The following MVP variants were observed in gnomAD, a reference collection of about 807,000 sequenced individuals.
The protein encoded by MVP is lung resistance-related protein.
In MVP, 62 loss-of-function variants were observed where a neutral mutation model predicts 83.5. The ratio of observed to expected loss-of-function variants is 0.74; its 90% CI spans 0.61 to 0.92. The LOEUF (loss-of-function observed/expected upper bound fraction) is 0.92, where lower values mean the gene tolerates loss of function less well. Among genes scored for constraint, MVP ranks in the 40% least tolerant of loss-of-function variants. MVP has a pLI of 0.00. For synonymous variants in MVP, 505 were observed against 504.1 expected (o/e 1.00, Z -0.02); for missense variants, 1,000 against 1,203.4 (o/e 0.83, Z 2.50).
In MVP at chr16:29,846,150, C is replaced by G; in HGVS notation, c.2139-8C>G. 4.4e-6 allele frequency: 7 copies of G among 1,608,502 alleles called. No homozygotes were observed. Among genetic ancestry groups the G allele is most frequent in the Non-Finnish European group, 5.9e-6 (7 of 1,177,064 alleles). Reference sequence around the variant, plus strand: ...CCCGGGTCTTACCTGACTCTGCCTTCTCCCCAGCATGGCCGTGGAGAGCAC... The same window carrying G: ...CCCGGGTCTTACCTGACTCTGCCTTGTCCCCAGCATGGCCGTGGAGAGCAC... On this transcript the variant is annotated splice_region_variant and splice_polypyrimidine_tract_variant and intron_variant, in intron 12 of 14. Coordinates refer to ENST00000357402, the MANE Select transcript of MVP (RefSeq NM_005115.5).
intron 13 of MVP, 75 bp downstream of exon 13, chr16:29,846,359 C>A (rs1596931639): frequency 4.8e-6 from 7 of 1,462,448 alleles, no homozygotes; most frequent in Non-Finnish European, 4.5e-6. Context: ...GTCCCTGAGA[C>A]TGTATAGGAC....
chr16:29,833,639 G>A (rs2067462120), intron 3 of MVP, 94 bp from the exon 4 acceptor site: 7 of 1,544,340 alleles, frequency 4.5e-6, no homozygotes, highest in South Asian at 1.2e-5. Flanking sequence ...AGGACATACA[G>A]AGATGGATGT....
chr16:29,838,165 G>A (rs1359287426), intron 7 of MVP, among the ~76,000 whole-genome samples: 1 of 152,132 alleles, frequency 6.6e-6, no homozygotes, highest in Non-Finnish European at 1.5e-5. Context: ...CAGGCATGGT[G>A]GCTTACATGT....
At chr16:29,843,290 G>A (rs2067549434) in intron 10 of MVP, among the ~76,000 whole-genome samples, 1 of 151,188 alleles carries the variant, frequency 6.6e-6, no homozygotes, top group South Asian at 2.1e-4. Flanking sequence ...CCAGGAGTTT[G>A]AGACCAGGCT....
At chr16:29,839,329 T>C (rs1420462505) in intron 7 of MVP, among the ~76,000 whole-genome samples, 1 of 152,178 alleles carries the variant, frequency 6.6e-6, no homozygotes, top group Non-Finnish European at 1.5e-5. Context: ...CAGTAACTTC[T>C]AGGTACAGGA....
In MVP at chr16:29,841,814, GTACGAC is replaced by G; in HGVS notation, c.1414_1419del (p.Asp472_Tyr473del). 6.2e-7 allele frequency: 1 copy of G among 1,611,040 alleles called. No individual in the cohort carries two copies. The highest frequency in any genetic ancestry group is 1.1e-5 in the South Asian group (1 of 91,076). On this transcript the variant is annotated inframe_deletion, in exon 9 of 15. Coordinates refer to ENST00000357402, the MANE Select transcript of MVP (RefSeq NM_005115.5). The surrounding 1 kb of genome is among the most constrained non-coding windows in gnomAD (Gnocchi z 4.7). ...TGCCCCACAACGCTGCGGTGCAGGT[GTACGAC>G]TACCGAGAGAAGCGAGCCCGGTGAG...
chr16:29,844,938 C>G lies in MVP; in HGVS notation c.2021+59C>G, dbSNP rs115162322. 1.3e-3 allele frequency: 2,033 copies of G among 1,537,356 alleles called. 30 individuals carry two copies. The African/African-American group carries it at 0.024, about 19-fold the overall frequency. ...GCCCATGGCAGGCCACTGCTGGGAA[C>G]TGGATAACCTGGCATCCCTTGTGGA... On this transcript the variant is annotated intron_variant, in intron 11 of 14. Coordinates refer to ENST00000357402, the MANE Select transcript of MVP (RefSeq NM_005115.5).
At chr16:29,847,703 A>G in intron 14 of MVP, 59 bp from the exon 15 acceptor site, 1 of 1,523,314 alleles carries the variant, frequency 6.6e-7, no homozygotes, top group Non-Finnish European at 9.1e-7. Context: ...AAGGAGGGTC[A>G]CTCTGAAGTG....
In MVP at chr16:29,844,607, G is replaced by A; in HGVS notation, c.1749G>A (p.Val583=). 2 of 1,613,894 alleles carry A rather than the reference G, an allele frequency of 1.2e-6. No individual in the cohort carries two copies. The highest frequency in any genetic ancestry group is 1.7e-6 in the Non-Finnish European group (2 of 1,179,868). The change falls in exon 11 of 15, where the codon GTG becomes GTA. Residue 583 remains valine, a synonymous_variant. Coordinates refer to ENST00000357402, the MANE Select transcript of MVP (RefSeq NM_005115.5). ...TCGCATCCCGGGTGCGGGGGGCCGT[G>A]GCCTCTGTCACTTTCGATGACTTCC... ...KAIASRVRGA[V]ASVTFDDFHK...
chr16:29,823,122 C>CTTTTTTTTT (rs66512916), intron 1 of MVP, among the ~76,000 whole-genome samples: 38 of 98,474 alleles, frequency 3.9e-4, no homozygotes, highest in African/African-American at 5.6e-4. Context: ...CTTTTCTTTT[C>CTTTTTTTTT]TTTTTTTTTT....
At chr16:29,839,783 CAAA>C (rs71373206) in intron 7 of MVP, among the ~76,000 whole-genome samples, 10 of 47,372 alleles carry the variant, frequency 2.1e-4, no homozygotes, top group East Asian at 7.6e-4. Context: ...AAGACTATCT[CAAA>C]AAAAAAAAAA....
At chr16:29,826,613 C>A (rs1402003581) in intron 1 of MVP, among the ~76,000 whole-genome samples, 3 of 136,432 alleles carry the variant, frequency 2.2e-5, no homozygotes, top group Non-Finnish European at 4.8e-5. Flanking sequence ...CAAAGTAAGA[C>A]CTTATCTCAA....
At chr16:29,838,554 G>T (rs1380869109) in intron 7 of MVP, among the ~76,000 whole-genome samples, 2 of 152,068 alleles carry the variant, frequency 1.3e-5, no homozygotes, top group Non-Finnish European at 1.5e-5. Context: ...CAGGCCAGGC[G>T]CAACAGCTCA....
intron 1 of MVP, among the ~76,000 whole-genome samples, chr16:29,825,380 C>G (rs1171941776): frequency 1.3e-5 from 2 of 152,208 alleles, no homozygotes. Flanking sequence ...GGGCCCTGAT[C>G]TATTTTAAGT....
chr16:29,824,358 C>T (rs990454238), intron 1 of MVP, among the ~76,000 whole-genome samples: 2 of 151,646 alleles, frequency 1.3e-5, no homozygotes, highest in East Asian at 1.9e-4. Flanking sequence ...CCAGTAGATT[C>T]AGTGGCTCTG....
At chr16:29,845,439 A>T (rs969177432) in intron 11 of MVP, among the ~76,000 whole-genome samples, 1 of 152,008 alleles carries the variant, frequency 6.6e-6, no homozygotes, top group East Asian at 1.9e-4. Flanking sequence ...TGCAATGGCT[A>T]TTCCTGCTGC....
chr16:29,836,627 C>A, intron 6 of MVP, 95 bp from the exon 7 acceptor site: 1 of 924,258 alleles, frequency 1.1e-6, no homozygotes, highest in Non-Finnish European at 1.6e-6. Context: ...TCTCTGAGAT[C>A]TGGGAGCATT....
chr16:29,827,117 G>A (rs918681910), intron 1 of MVP, among the ~76,000 whole-genome samples: 1 of 152,018 alleles, frequency 6.6e-6, no homozygotes, highest in Non-Finnish European at 1.5e-5. Flanking sequence ...CAGGACATCG[G>A]AAAGCAAGCC....
Position 29,835,639 on chromosome 16 carries a change from G to C in MVP, c.578-65G>C, listed in dbSNP as rs892468444. On this transcript the variant is annotated intron_variant, in intron 5 of 14. Transcript: ENST00000357402. ...TGTCAATCCCCTGTGTCTAAGCTGT[G>C]GGGGAGGGGTAGGTGGGGAGCAGGC... The C allele has an allele frequency of 8.2e-6, 11 of 1,337,846 alleles. No homozygotes were observed. The South Asian group carries it at 8.6e-5, about 10-fold the overall frequency. The allele number at this position is 1,337,846 out of a possible 1,614,324, so 82.9% of individuals were successfully genotyped here.
Sources: gnomAD v4.1 joint callset for allele counts (sites outside exome capture counted in the v4.1 genomes callset) on GRCh38, gnomAD v4.1.1 for gene constraint, Gnocchi (gnomAD v3.1) non-coding constraint, MANE v1.5 for transcripts, NCBI Gene and HGNC (gene_info 2026-07-23, HGNC 2026-07-21) for gene names.